MLLT10: variants seen among roughly 807,000 people sequenced by gnomAD.
MLLT10 encodes the protein protein AF-10.
MLLT10 carries 30 observed loss-of-function variants against 129.1 expected under a neutral mutation model. The observed-to-expected ratio is 0.23, with a 90% CI of 0.17 to 0.32. The LOEUF (loss-of-function observed/expected upper bound fraction) is 0.32. MLLT10 is among the 10% of genes least tolerant of loss of function. The probability of loss-of-function intolerance (pLI) is 1.00; values close to 1 mark genes in which losing one functional copy is unlikely to be tolerated. For missense variants in MLLT10, 1,119 were observed against 1,268.3 expected (o/e 0.88, Z 1.79); for synonymous variants, 490 against 446.4 (o/e 1.10, Z -1.23).
chr10:21,618,084 G>T (rs1554820046), intron 8 of MLLT10, among the ~76,000 whole-genome samples: 1 of 152,130 alleles, frequency 6.6e-6, no homozygotes, highest in Non-Finnish European at 1.5e-5. Context: ...AAATGGAAAA[G>T]AATATTTTTC....
At chr10:21,673,315 C>CCCCAA in intron 10 of MLLT10, 35 bp from the exon 11 acceptor site, 1 of 616,720 alleles carries the variant, frequency 1.6e-6, no homozygotes. Context: ...CCCCACCCCC[C>CCCCAA]AACTTTTTTT....
intron 5 of MLLT10, among the ~76,000 whole-genome samples, chr10:21,607,744 T>C (rs1231199287): frequency 6.6e-6 from 1 of 152,216 alleles, no homozygotes; most frequent in Non-Finnish European, 1.5e-5. Flanking sequence ...TTAAATTAAA[T>C]AGATAAGAGA....
At chr10:21,564,767 T>G (rs1218522529) in intron 3 of MLLT10, among the ~76,000 whole-genome samples, 3 of 149,198 alleles carry the variant, frequency 2.0e-5, no homozygotes, top group Non-Finnish European at 4.4e-5. Context: ...GAGGTTGCAG[T>G]GAGCCGCGAT....
rs56000691 is a variant in MLLT10 at position 21,676,720 on chromosome 10, C to CAAAAAAAAAAAAAAAA, written c.1621+2822_1621+2837dup. Among the ~76,000 whole-genome samples the CAAAAAAAAAAAAAAAA allele has an allele frequency of 3.4e-4, 11 of 32,008 alleles. 2 individuals carry two copies. Among genetic ancestry groups the CAAAAAAAAAAAAAAAA allele is most frequent in the Non-Finnish European group, 4.2e-4 (7 of 16,710 alleles). 21.0% of individuals were successfully genotyped at this position (32,008 alleles called of 152,430 possible). On this transcript the variant is annotated intron_variant, in intron 11 of 22. Coordinates refer to ENST00000307729, the MANE Select transcript of MLLT10 (RefSeq NM_001195626.3). ...TGGGAGACAGAGCGAGACTCCATCT[C>CAAAAAAAAAAAAAAAA]AAAAAAAAAAAAAAAAAAAAAAAAA...
chr10:21,608,272 C>G (rs915428422), intron 5 of MLLT10, among the ~76,000 whole-genome samples: 1 of 151,746 alleles, frequency 6.6e-6, no homozygotes, highest in Non-Finnish European at 1.5e-5. Flanking sequence ...TGGGCTCAAG[C>G]CATCCTCTCA....
intron 3 of MLLT10, chr10:21,556,695 A>G (rs370825620): frequency 6.2e-7 from 1 of 1,612,640 alleles, no homozygotes; most frequent in Non-Finnish European, 8.5e-7. Flanking sequence ...ACTCCTGGAT[A>G]CATAGAACAT....
intron 13 of MLLT10, among the ~76,000 whole-genome samples, chr10:21,707,751 A>G (rs1010282528): frequency 2.0e-5 from 3 of 152,210 alleles, no homozygotes; most frequent in South Asian, 2.1e-4. Flanking sequence ...ACACCTGTAC[A>G]TGGCTTACAA....
chr10:21,625,783 C>T (rs117379865), intron 8 of MLLT10: 19,042 of 768,200 alleles, frequency 0.025, 327 homozygotes, highest in Non-Finnish European at 0.032. Flanking sequence ...TCACAGCTTC[C>T]TGTGCAGCTT....
intron 11 of MLLT10, 59 bp downstream of exon 11, chr10:21,673,978 C>T: frequency 7.4e-7 from 1 of 1,344,574 alleles, no homozygotes; most frequent in Non-Finnish European, 1.0e-6. Flanking sequence ...CTTCTTCTGT[C>T]CCAAAACGTT....
intron 13 of MLLT10, among the ~76,000 whole-genome samples, chr10:21,705,103 G>A (rs996203830): frequency 6.6e-6 from 1 of 152,114 alleles, no homozygotes; most frequent in African/African-American, 2.4e-5. Flanking sequence ...GACGGTTCTC[G>A]GGTCTGCAGC....
chr10:21,629,684 G>A (rs923986919), intron 8 of MLLT10, among the ~76,000 whole-genome samples: 27 of 152,212 alleles, frequency 1.8e-4, no homozygotes, highest in African/African-American at 3.9e-4. Flanking sequence ...AAGGATAAAT[G>A]TTATGTTCTT....
In MLLT10 at chr10:21,620,960, G is replaced by A. The variant is rs536372931; in HGVS notation, c.699+3753G>A. The stretch of plus-strand genomic sequence containing the variant: ...GGCCTCCTAAAGTGCTGGGATTTCA[G>A]GCGTGAGCCACCATACCCTGCCAAG... On this transcript the variant is annotated intron_variant, in intron 8 of 22. Coordinates refer to ENST00000307729, the MANE Select transcript of MLLT10 (RefSeq NM_001195626.3). 6.0e-5 allele frequency among the ~76,000 whole-genome samples: 9 copies of A among 151,230 alleles called. No individual in the cohort carries two copies. In the East Asian group the frequency reaches 1.8e-3, roughly 30 times the overall value.
intron 13 of MLLT10, among the ~76,000 whole-genome samples, chr10:21,683,791 G>C (rs1179002961): frequency 6.6e-6 from 1 of 151,570 alleles, no homozygotes; most frequent in African/African-American, 2.4e-5. Flanking sequence ...TTGTTGCCCA[G>C]GTTGGAGTGC....
At chr10:21,606,073 T>A (rs1429189888) in intron 5 of MLLT10, among the ~76,000 whole-genome samples, 1 of 152,184 alleles carries the variant, frequency 6.6e-6, no homozygotes, top group African/African-American at 2.4e-5. Context: ...TTCATTATTA[T>A]ATCTGTTATG....
intron 13 of MLLT10, among the ~76,000 whole-genome samples, chr10:21,682,849 T>C (rs1018076902): frequency 9.2e-5 from 14 of 152,208 alleles, no homozygotes; most frequent in African/African-American, 3.4e-4. Flanking sequence ...CAAAAAATGT[T>C]TGAAGGTTTC....
intron 14 of MLLT10, among the ~76,000 whole-genome samples, chr10:21,721,342 C>G (rs536849035): frequency 3.3e-5 from 5 of 152,090 alleles, no homozygotes; most frequent in Non-Finnish European, 5.9e-5. Context: ...TCTTTCGAAC[C>G]TAATTTTTCT....
chr10:21,660,355 G>A (rs896403859), intron 9 of MLLT10, among the ~76,000 whole-genome samples: 1 of 151,344 alleles, frequency 6.6e-6, no homozygotes, highest in Non-Finnish European at 1.5e-5. Context: ...GGTGGCTCAC[G>A]CCTGTATCCC....
chr10:21,643,607 T>A (rs1394300234), intron 8 of MLLT10, among the ~76,000 whole-genome samples: 1 of 152,218 alleles, frequency 6.6e-6, no homozygotes, highest in Non-Finnish European at 1.5e-5. Context: ...ATTTTTGAAC[T>A]GTATCTTGGC....
chr10:21,574,793 G>A (rs1378501201), intron 3 of MLLT10, among the ~76,000 whole-genome samples: 1 of 152,130 alleles, frequency 6.6e-6, no homozygotes, highest in Non-Finnish European at 1.5e-5. Context: ...TATAATTAGT[G>A]TATAATGAGC....
Sources: gnomAD v4.1 joint callset for allele counts (sites outside exome capture counted in the v4.1 genomes callset) on GRCh38, gnomAD v4.1.1 for gene constraint, MANE v1.5 for transcripts, NCBI Gene and HGNC (gene_info 2026-07-23, HGNC 2026-07-21) for gene names.